ASB2: variants seen among roughly 807,000 people sequenced by gnomAD.
ASB2 encodes ankyrin repeat and SOCS box protein 2.
A neutral mutation model predicts 62.4 loss-of-function variants in ASB2; 58 were observed. That is an observed-to-expected ratio of 0.93 (90% CI 0.75 to 1.16). ASB2 has a LOEUF of 1.16. Among genes scored for constraint, ASB2 ranks in the 50% most tolerant of loss-of-function variants. The probability of loss-of-function intolerance (pLI) is 0.00; values close to 1 mark genes in which losing one functional copy is unlikely to be tolerated. For synonymous variants in ASB2, 386 were observed against 385.3 expected (o/e 1.00, Z -0.02); for missense variants, 928 against 887.9 (o/e 1.05, Z -0.57).
chr14:93,974,623 C>T (rs539664116), intron 1 of ASB2, among the ~76,000 whole-genome samples: 2 of 152,310 alleles, frequency 1.3e-5, no homozygotes, highest in African/African-American at 4.8e-5. Context: ...CTTGAGAGGC[C>T]ACAGGACGCT....
intron 7 of ASB2, among the ~76,000 whole-genome samples, chr14:93,942,538 G>A (rs1006975885): frequency 1.3e-5 from 2 of 152,198 alleles, no homozygotes; most frequent in African/African-American, 4.8e-5. Context: ...CCTTGCCCCA[G>A]GTCTGGGCTC....
intron 7 of ASB2, among the ~76,000 whole-genome samples, chr14:93,944,902 G>T (rs1490565590): frequency 6.6e-6 from 1 of 152,220 alleles, no homozygotes; most frequent in Non-Finnish European, 1.5e-5. Context: ...GCTGGGGCCA[G>T]ACTGCCAACA....
rs369456226 is a variant in ASB2, at chr14:93,956,774, G to A, written c.303C>T (p.Ser101=). ...QKYSSSLFKT[S]QLAPADPLIK... Reference sequence around the variant, plus strand: ...AGACAGGAGTCACTTACGCCAGCTGGGAGGTCTTGAACAAGCTGCTGCTGT... The same window carrying A: ...AGACAGGAGTCACTTACGCCAGCTGAGAGGTCTTGAACAAGCTGCTGCTGT... Residue 101 remains serine (S), a synonymous_variant, in exon 3 of 10, where the codon TCC becomes TCT. Coordinates refer to ENST00000555019, the MANE Select transcript of ASB2 (RefSeq NM_001202429.2). The A allele has an allele frequency of 4.2e-5, 67 of 1,614,072 alleles. No individual in the cohort carries two copies. The highest frequency in any genetic ancestry group is 5.5e-5 in the Non-Finnish European group (65 of 1,180,038).
intron 1 of ASB2, among the ~76,000 whole-genome samples, chr14:93,973,312 G>A (rs1009990260): frequency 3.9e-5 from 6 of 152,184 alleles, no homozygotes; most frequent in African/African-American, 1.2e-4. Flanking sequence ...AATCTCTCCC[G>A]AAGAGTCTAA....
intron 1 of ASB2, among the ~76,000 whole-genome samples, chr14:93,971,390 C>T (rs1046362817): frequency 1.3e-5 from 2 of 152,220 alleles, no homozygotes; most frequent in Non-Finnish European, 2.9e-5. Flanking sequence ...CCTCTCTGCT[C>T]ACATCATCTG....
rs550700901 is a variant in ASB2 at position 93,950,958 on chromosome 14, C to A, written c.880+41G>T. On this transcript the variant is annotated intron_variant, in intron 6 of 9. Coordinates refer to ENST00000555019, the MANE Select transcript of ASB2 (RefSeq NM_001202429.2). ...GACCTCTGACATCCTTCCCGTGTGC[C>A]CTTTGGGGACTCCATGACCTAGGGA... is the stretch of plus-strand genomic sequence containing the variant. 6.3e-6 allele frequency: 10 copies of A among 1,588,468 alleles called. No individual in the cohort carries two copies. In the African/African-American group the frequency reaches 1.1e-4, roughly 17 times the overall value.
chr14:93,953,635 A>G, intron 4 of ASB2, 128 bp from the exon 5 acceptor site: 4 of 824,866 alleles, frequency 4.8e-6, no homozygotes, highest in Middle Eastern at 3.9e-4. Context: ...CCAACTACAG[A>G]CTGCATTCAT....
intron 1 of ASB2, among the ~76,000 whole-genome samples, chr14:93,968,612 C>T (rs537391313): frequency 6.6e-6 from 1 of 152,316 alleles, no homozygotes; most frequent in East Asian, 1.9e-4. Context: ...TGCCCAGCAC[C>T]CCCTGGCCTA....
In ASB2 at chr14:93,939,403, A is replaced by G. The variant is rs1340130441; in HGVS notation, c.1322T>C (p.Val441Ala). 1 of 1,612,740 alleles carries G rather than the reference A, an allele frequency of 6.2e-7. No individual in the cohort carries two copies. The highest frequency in any genetic ancestry group is 8.5e-7 in the Non-Finnish European group (1 of 1,179,846). The change falls in exon 8 of 10, where the codon GTC (valine) becomes GCC (alanine). Residue 441 changes from valine (V) to alanine (A), a missense_variant. Val to Ala is a moderately conservative substitution (Grantham distance 64, BLOSUM62 0). Coordinates refer to ENST00000555019, the MANE Select transcript of ASB2 (RefSeq NM_001202429.2). ...LQHGADPNRD[V>A]ISPLLVAIRH... ...GATGGCCACGAGCAAGGGGCTGATG[A>G]CGTCGCGGTTGGGGTCGGCGCCGTG...
chr14:93,939,850 C>T (rs865983999), intron 7 of ASB2, 178 bp from the exon 8 acceptor site: 7 of 486,508 alleles, frequency 1.4e-5, no homozygotes, highest in South Asian at 1.2e-4. Context: ...CCCCACTGGG[C>T]AGGGTGGGTC....
chr14:93,945,711 G>A (rs371502408), intron 7 of ASB2, among the ~76,000 whole-genome samples: 63 of 152,268 alleles, frequency 4.1e-4, no homozygotes, highest in African/African-American at 1.5e-3. Context: ...GGAGTGGGGA[G>A]GGCATCTTTG....
At position 93,939,358 on chromosome 14, in the gene ASB2, G is replaced by A; in HGVS notation, c.1367C>T (p.Thr456Ile). 6.2e-7 allele frequency: 1 copy of A among 1,612,846 alleles called. No individual in the cohort carries two copies. Residue 456 changes from threonine to isoleucine, a missense_variant, in exon 8 of 10, where the codon ACA becomes ATA. Transcript: ENST00000555019. ...LVAIRHGCLR[T>I]MQLLLDHGAN... ...GCCGTGGTCCAGCAGCAGCTGCATTGTGCGCAGGCAGCCGTGGCGGATGGC... is the reference window on the plus strand; with the variant it reads ...GCCGTGGTCCAGCAGCAGCTGCATTATGCGCAGGCAGCCGTGGCGGATGGC...
chr14:93,941,681 C>T lies in ASB2; in HGVS notation c.1053-2009G>A, dbSNP rs74073595. 2.0e-3 allele frequency: 903 copies of T among 455,942 alleles called. 9 individuals are homozygous for T. Among genetic ancestry groups the T allele is most frequent in the African/African-American group, 0.015 (770 of 50,092 alleles). The allele number at this position is 455,942 out of a possible 1,614,324, so 28.2% of individuals were successfully genotyped here. A position where few individuals can be genotyped will look rare whatever the true frequency, so the allele number is the denominator to read the frequency against. On this transcript the variant is annotated intron_variant, in intron 7 of 9. Transcript: ENST00000555019. Reference sequence around the variant, plus strand: ...CTAACAGCTGTAACGTGCCCAAGAACGGGAAAGAACAGTGAGAGGGGCTGC... The same window carrying T: ...CTAACAGCTGTAACGTGCCCAAGAATGGGAAAGAACAGTGAGAGGGGCTGC...
intron 3 of ASB2, among the ~76,000 whole-genome samples, chr14:93,955,842 C>T (rs1889174939): frequency 6.6e-6 from 1 of 152,144 alleles, no homozygotes; most frequent in South Asian, 2.1e-4. Context: ...TCACGTTGCC[C>T]TCTCCAGCCG....
At chr14:93,957,209 T>C in intron 2 of ASB2, 1 of 1,274,852 alleles carries the variant, frequency 7.8e-7, no homozygotes, top group Non-Finnish European at 9.9e-7. Context: ...CCCAGGAGGA[T>C]GTGAGCCGTG....
intron 1 of ASB2, among the ~76,000 whole-genome samples, chr14:93,971,519 C>T (rs1382002801): frequency 6.6e-6 from 1 of 152,212 alleles, no homozygotes; most frequent in Non-Finnish European, 1.5e-5. Flanking sequence ...GCAAGTGCTG[C>T]ATGAGTATTT....
At chr14:93,950,771 C>A (rs577535642) in intron 6 of ASB2, among the ~76,000 whole-genome samples, 32 of 152,238 alleles carry the variant, frequency 2.1e-4, no homozygotes, top group South Asian at 1.5e-3. Flanking sequence ...CAGACCCCCC[C>A]ATATTTGTTC....
chr14:93,956,461 C>T (rs1488834948), intron 3 of ASB2, among the ~76,000 whole-genome samples: 1 of 152,184 alleles, frequency 6.6e-6, no homozygotes, highest in African/African-American at 2.4e-5. Flanking sequence ...CGTGCTGGGT[C>T]CCCAGTTTCA....
At chr14:93,951,649 C>T (rs1326117497) in intron 5 of ASB2, among the ~76,000 whole-genome samples, 2 of 152,210 alleles carry the variant, frequency 1.3e-5, no homozygotes, top group East Asian at 1.9e-4. Flanking sequence ...GAATTCAAAC[C>T]CTGGTAGTCA....
Sources: gnomAD v4.1 joint callset for allele counts (sites outside exome capture counted in the v4.1 genomes callset) on GRCh38, gnomAD v4.1.1 for gene constraint, MANE v1.5 for transcripts, NCBI Gene and HGNC (gene_info 2026-07-23, HGNC 2026-07-21) for gene names.